COL9A1: variants seen among roughly 807,000 people sequenced by gnomAD.
COL9A1 encodes the protein collagen type IX alpha 1 chain.
COL9A1 carries 104 observed loss-of-function variants against 142.6 expected under a neutral mutation model. The ratio of observed to expected loss-of-function variants is 0.73; its 90% CI spans 0.62 to 0.86. The LOEUF is 0.86. COL9A1 is among the 40% of genes least tolerant of loss of function. COL9A1 has a pLI of 0.00. For synonymous variants in COL9A1, 466 were observed against 396.0 expected (o/e 1.18, Z -2.10); for missense variants, 1,210 against 1,176.6 (o/e 1.03, Z -0.42).
intron 31 of COL9A1, 43 bp downstream of exon 31, chr6:70,241,376 T>C: frequency 7.2e-6 from 11 of 1,526,048 alleles, no homozygotes; most frequent in Non-Finnish European, 9.1e-6. Context: ...AAATGGTGCA[T>C]ATCAAACATT....
chr6:70,268,231 T>C (rs1391961201), intron 17 of COL9A1, among the ~76,000 whole-genome samples: 1 of 152,010 alleles, frequency 6.6e-6, no homozygotes. Context: ...CTTTTTTTTT[T>C]TGAGACAAGG....
chr6:70,288,300 T>G (rs1437297175), intron 5 of COL9A1, among the ~76,000 whole-genome samples: 1 of 152,208 alleles, frequency 6.6e-6, no homozygotes, highest in African/African-American at 2.4e-5. Flanking sequence ...ATATTAGGTT[T>G]GGATCACTTT....
intron 37 of COL9A1, among the ~76,000 whole-genome samples, chr6:70,218,203 A>G (rs1768649566): frequency 6.6e-6 from 1 of 152,218 alleles, no homozygotes; most frequent in African/African-American, 2.4e-5. Context: ...GGCTATTATT[A>G]CAATTATTAA....
At chr6:70,254,391 G>A (rs2127576255) in intron 25 of COL9A1, 85 bp downstream of exon 25, 3 of 1,200,914 alleles carry the variant, frequency 2.5e-6, no homozygotes, top group Admixed American at 1.7e-5. Flanking sequence ...GAACTTATCA[G>A]ATTAGGTAGC....
At chr6:70,219,666 A>C (rs537381432) in intron 37 of COL9A1, among the ~76,000 whole-genome samples, 1 of 152,250 alleles carries the variant, frequency 6.6e-6, no homozygotes, top group Non-Finnish European at 1.5e-5. Flanking sequence ...GGTGAGCTGG[A>C]AAGTGGATGC....
At chr6:70,220,585 C>T (rs562990686) in intron 37 of COL9A1, among the ~76,000 whole-genome samples, 2 of 152,072 alleles carry the variant, frequency 1.3e-5, no homozygotes, top group Admixed American at 6.5e-5. Flanking sequence ...ACAGCCTTAA[C>T]ATAGCAGATT....
intron 14 of COL9A1, among the ~76,000 whole-genome samples, 161 bp from the exon 15 acceptor site, chr6:70,270,528 A>T (rs1404886921): frequency 6.6e-6 from 1 of 152,216 alleles, no homozygotes; most frequent in Non-Finnish European, 1.5e-5. Context: ...TAATCCAATT[A>T]GTTCTACAAA....
intron 21 of COL9A1, 48 bp downstream of exon 21, chr6:70,256,718 CAA>C (rs34557832): frequency 5.4e-4 from 719 of 1,329,366 alleles, no homozygotes; most frequent in African/African-American, 1.6e-3. Context: ...GCATACATAG[CAA>C]AAAAAAAAAA....
At chr6:70,242,869 T>G (rs776412757) in intron 28 of COL9A1, among the ~76,000 whole-genome samples, 154 bp from the exon 29 acceptor site, 33 of 152,288 alleles carry the variant, frequency 2.2e-4, no homozygotes, top group Non-Finnish European at 4.1e-4. Flanking sequence ...GTGTTCATCT[T>G]GCATTGAATG....
At chr6:70,239,793 T>G (rs1187964178) in intron 32 of COL9A1, among the ~76,000 whole-genome samples, 4 of 152,168 alleles carry the variant, frequency 2.6e-5, no homozygotes, top group Admixed American at 1.3e-4. Context: ...ACTCAGCTCA[T>G]GTTGGCATAT....
chr6:70,261,474 TG>T (rs1771684788), intron 19 of COL9A1, among the ~76,000 whole-genome samples: 1 of 152,086 alleles, frequency 6.6e-6, no homozygotes, highest in Non-Finnish European at 1.5e-5. Flanking sequence ...ATTAGGAAAG[TG>T]GGGGTAGCTA....
intron 33 of COL9A1, 91 bp from the exon 34 acceptor site, chr6:70,235,031 G>A (rs1342235233): frequency 1.3e-6 from 2 of 1,526,676 alleles, no homozygotes; most frequent in Non-Finnish European, 1.8e-6. Flanking sequence ...GAAATTTGCG[G>A]TTTCCTGCAC....
chr6:70,293,515 C>A (rs1435700196), intron 5 of COL9A1, among the ~76,000 whole-genome samples: 1 of 151,830 alleles, frequency 6.6e-6, no homozygotes, highest in Non-Finnish European at 1.5e-5. Context: ...CTAAATAAAT[C>A]AATATTATGC....
In COL9A1 at chr6:70,253,385, CT is replaced by C; in HGVS notation, c.1763del (p.Lys588ArgfsTer43). 1 of 1,591,340 alleles carries C rather than the reference CT, an allele frequency of 6.3e-7. No homozygotes were observed. Among genetic ancestry groups the C allele is most frequent in the Non-Finnish European group, 8.6e-7 (1 of 1,161,674 alleles). Reference sequence around the variant, plus strand: ...TAACTTAAATTTTAAAATATTTTACCTTTTCACCAGCAACACCCTTTGCACC... The same window carrying C: ...TAACTTAAATTTTAAAATATTTTACCTTTCACCAGCAACACCCTTTGCACC... Reference protein sequence around the residue: ...IPGAKGVAGEKGSTGAPGKPG... With the variant: ...IPGAKGVAGEXGSTGAPGKPG... On this transcript the variant is annotated frameshift_variant and splice_region_variant, in exon 26 of 38. Transcript: ENST00000357250. LOFTEE classifies it high-confidence loss of function.
chr6:70,277,439 T>C (rs978535559), intron 10 of COL9A1, among the ~76,000 whole-genome samples: 1 of 152,096 alleles, frequency 6.6e-6, no homozygotes. Flanking sequence ...CAAAATCCAG[T>C]TTGCAGTAAG....
At chr6:70,255,309 G>C in intron 22 of COL9A1, 28 bp downstream of exon 22, 1 of 1,613,326 alleles carries the variant, frequency 6.2e-7, no homozygotes, top group Non-Finnish European at 8.5e-7. Context: ...AAAAGCAGGA[G>C]GCTTGGAGTG....
chr6:70,235,017 A>T (rs1277853815), intron 33 of COL9A1, 77 bp from the exon 34 acceptor site: 2 of 1,592,326 alleles, frequency 1.3e-6, no homozygotes, highest in African/African-American at 1.3e-5. Context: ...ATAAACACTT[A>T]TATGAAATTT....
chr6:70,241,477 C>CT, intron 30 of COL9A1, 23 bp from the exon 31 acceptor site: 2 of 1,599,122 alleles, frequency 1.3e-6, no homozygotes, highest in Non-Finnish European at 1.7e-6. Flanking sequence ...AAATATAATA[C>CT]TTTTTCAGTA....
chr6:70,271,040 C>T (rs1031280216), intron 14 of COL9A1, among the ~76,000 whole-genome samples: 1 of 152,192 alleles, frequency 6.6e-6, no homozygotes, highest in Non-Finnish European at 1.5e-5. Flanking sequence ...ATTTCATATT[C>T]ATTCACTTGT....
Sources: allele counts gnomAD v4.1 joint callset (sites outside exome capture counted in the v4.1 genomes callset), GRCh38; gene constraint gnomAD v4.1.1; transcripts MANE v1.5; gene names NCBI Gene and HGNC (gene_info 2026-07-23, HGNC 2026-07-21).